Variants in ADCK1 observed in about 807,000 individuals in gnomAD.
ADCK1 encodes aarF domain containing kinase 1, also known as aarF domain-containing protein kinase 1.
In ADCK1, 41 loss-of-function variants were observed where a neutral mutation model predicts 52.3. The ratio of observed to expected loss-of-function variants is 0.78; its 90% CI spans 0.61 to 1.02. The LOEUF is 1.02. ADCK1 is among the 50% of genes least tolerant of loss of function. The probability of loss-of-function intolerance (pLI) is 0.00; values close to 1 mark genes in which losing one functional copy is unlikely to be tolerated. For missense variants in ADCK1, 658 were observed against 679.5 expected, an observed-to-expected ratio of 0.97 and a Z score of 0.35; for synonymous variants, 250 against 274.6, an observed-to-expected ratio of 0.91 and a Z score of 0.89.
chr14:77,876,095 A>C (rs1270947572), intron 4 of ADCK1, among the ~76,000 whole-genome samples: 1 of 152,224 alleles, frequency 6.6e-6, no homozygotes, highest in Non-Finnish European at 1.5e-5. Context: ...ATTACCACAC[A>C]TTGCATGGTT....
chr14:77,814,926 G>A (rs8022886), intron 1 of ADCK1, among the ~76,000 whole-genome samples: 49,752 of 149,564 alleles, frequency 0.33, 9,673 homozygotes, highest in East Asian at 0.5. Context: ...AGTCTCTGTC[G>A]CCCAGGCTGG....
intron 6 of ADCK1, among the ~76,000 whole-genome samples, chr14:77,899,696 A>G (rs967116340): frequency 3.9e-5 from 6 of 152,184 alleles, no homozygotes; most frequent in African/African-American, 1.2e-4. Flanking sequence ...GTCCCTAGAA[A>G]TACTGCAGTT....
At chr14:77,875,242 T>C (rs2082872653) in intron 4 of ADCK1, among the ~76,000 whole-genome samples, 1 of 151,906 alleles carries the variant, frequency 6.6e-6, no homozygotes, top group Admixed American at 6.6e-5. Flanking sequence ...TGGAGAGGTG[T>C]GGAGGAGGTG....
chr14:77,931,266 A>G (rs1045114857), intron 9 of ADCK1, among the ~76,000 whole-genome samples: 8 of 152,174 alleles, frequency 5.3e-5, no homozygotes, highest in Admixed American at 2.6e-4. Context: ...CTCGCAATGT[A>G]TACTGTGTCA....
chr14:77,867,478 TC>T (rs1375114831), intron 4 of ADCK1, among the ~76,000 whole-genome samples: 1 of 151,350 alleles, frequency 6.6e-6, no homozygotes, highest in African/African-American at 2.4e-5. Flanking sequence ...AAAACCCATT[TC>T]CCCCCCAATA....
intron 5 of ADCK1, among the ~76,000 whole-genome samples, chr14:77,887,725 T>C (rs1263712692): frequency 1.3e-5 from 2 of 152,168 alleles, no homozygotes; most frequent in Non-Finnish European, 2.9e-5. Context: ...CTGGTACTTA[T>C]TTGGAATGAA....
At chr14:77,869,875 G>GC (rs1254701963) in intron 4 of ADCK1, among the ~76,000 whole-genome samples, 3 of 152,150 alleles carry the variant, frequency 2.0e-5, no homozygotes. Flanking sequence ...AAGAGGGCCT[G>GC]ACCCTGCTCC....
chr14:77,910,505 G>A (rs775733664), intron 7 of ADCK1, among the ~76,000 whole-genome samples: 1 of 152,126 alleles, frequency 6.6e-6, no homozygotes, highest in Non-Finnish European at 1.5e-5. Context: ...CGGCCTTAAA[G>A]GGAAACAGGG....
At chr14:77,817,802 C>G (rs2081490570) in intron 1 of ADCK1, among the ~76,000 whole-genome samples, 1 of 151,496 alleles carries the variant, frequency 6.6e-6, no homozygotes. Flanking sequence ...GTGGCGCAAT[C>G]TCGGCTTACT....
At chr14:77,833,681 C>A (rs1030260778) in intron 3 of ADCK1, among the ~76,000 whole-genome samples, 1 of 152,140 alleles carries the variant, frequency 6.6e-6, no homozygotes, top group African/African-American at 2.4e-5. Context: ...TGAGCCTTGA[C>A]GTGACCTGGG....
intron 2 of ADCK1, 67 bp from the exon 3 acceptor site, chr14:77,822,368 G>A: frequency 1.5e-6 from 2 of 1,335,354 alleles, no homozygotes; most frequent in African/African-American, 1.4e-5. Context: ...TGTACTGCAA[G>A]GTTTGGGCAG....
intron 4 of ADCK1, among the ~76,000 whole-genome samples, chr14:77,867,474 C>T (rs577190689): frequency 1.3e-5 from 2 of 152,274 alleles, no homozygotes; most frequent in South Asian, 2.1e-4. Flanking sequence ...TAAAAAAACC[C>T]ATTTCCCCCC....
At chr14:77,868,073 C>A (rs886463760) in intron 4 of ADCK1, among the ~76,000 whole-genome samples, 1 of 152,230 alleles carries the variant, frequency 6.6e-6, no homozygotes, top group Non-Finnish European at 1.5e-5. Context: ...TGAGGTTTAA[C>A]AAATACTGAC....
chr14:77,908,687 G>A (rs1029820531), intron 7 of ADCK1, among the ~76,000 whole-genome samples: 1 of 152,180 alleles, frequency 6.6e-6, no homozygotes, highest in Non-Finnish European at 1.5e-5. Flanking sequence ...CACGTGGCCA[G>A]GCTCAACATT....
intron 5 of ADCK1, among the ~76,000 whole-genome samples, chr14:77,887,862 G>T (rs531810535): frequency 6.6e-6 from 1 of 152,342 alleles, no homozygotes; most frequent in East Asian, 1.9e-4. Flanking sequence ...CGCCTACGGG[G>T]AGGTCAGCAA....
intron 5 of ADCK1, among the ~76,000 whole-genome samples, chr14:77,897,924 A>G (rs997632636): frequency 6.6e-6 from 1 of 152,174 alleles, no homozygotes; most frequent in Non-Finnish European, 1.5e-5. Flanking sequence ...GGGGAATTCT[A>G]GCTCGGTACT....
intron 1 of ADCK1, among the ~76,000 whole-genome samples, chr14:77,800,535 C>G (rs2081086999): frequency 6.6e-6 from 1 of 152,266 alleles, no homozygotes; most frequent in Non-Finnish European, 1.5e-5. Context: ...CCTTCACCCC[C>G]TGGTGGCCCT....
intron 7 of ADCK1, among the ~76,000 whole-genome samples, chr14:77,922,229 C>A (rs1228332252): frequency 1.3e-5 from 2 of 152,134 alleles, no homozygotes; most frequent in Non-Finnish European, 2.9e-5. Context: ...GGCCCCCTCT[C>A]CAGGGAAGCA....
At chr14:77,841,258 A>G (rs986415418) in intron 3 of ADCK1, among the ~76,000 whole-genome samples, 2 of 152,142 alleles carry the variant, frequency 1.3e-5, no homozygotes, top group African/African-American at 2.4e-5. Context: ...AGTGAACGAT[A>G]GGGCATGTGG....
Sources: gnomAD v4.1 joint callset for allele counts (sites outside exome capture counted in the v4.1 genomes callset) on GRCh38, gnomAD v4.1.1 for gene constraint, MANE v1.5 for transcripts, NCBI Gene and HGNC (gene_info 2026-07-23, HGNC 2026-07-21) for gene names.